Variants in GNG2 observed in about 807,000 individuals in gnomAD.
GNG2 encodes the protein G protein subunit gamma 2.
GNG2 carries 5 observed loss-of-function variants against 5.5 expected under a neutral mutation model. The observed-to-expected ratio is 0.91, with a 90% confidence interval of 0.48 to 1.92. The LOEUF is 1.92. GNG2 is among the 30% of genes most tolerant of loss of function. GNG2 has a pLI of 0.01. For missense variants in GNG2, 55 were observed against 88.4 expected (o/e 0.62, Z 1.52); for synonymous variants, 28 against 32.0 (o/e 0.88, Z 0.42).
chr14:51,829,836 C>T (rs1881133000), intron 2 of GNG2, among the ~76,000 whole-genome samples: 1 of 130,358 alleles, frequency 7.7e-6, no homozygotes, highest in Admixed American at 8.1e-5. Flanking sequence ...TGATCACTCC[C>T]TACTTCTTCT....
intron 2 of GNG2, among the ~76,000 whole-genome samples, chr14:51,842,854 AG>A (rs1264473296): frequency 1.3e-5 from 2 of 151,966 alleles, no homozygotes; most frequent in Non-Finnish European, 2.9e-5. Context: ...TAGTAGAGAT[AG>A]GGTTTTGCCG....
chr14:51,833,759 C>T (rs1881260336), intron 2 of GNG2, among the ~76,000 whole-genome samples: 1 of 152,234 alleles, frequency 6.6e-6, no homozygotes. Context: ...TATAGACTAT[C>T]ACTCACCTGT....
chr14:51,830,728 C>A (rs946520377), intron 2 of GNG2, among the ~76,000 whole-genome samples: 2 of 152,190 alleles, frequency 1.3e-5, no homozygotes, highest in Non-Finnish European at 2.9e-5. Context: ...ATGTTTTTGA[C>A]CTGAATTACT....
At chr14:51,891,621 C>A (rs1884858658) in intron 2 of GNG2, among the ~76,000 whole-genome samples, 1 of 152,186 alleles carries the variant, frequency 6.6e-6, no homozygotes, top group South Asian at 2.1e-4. Context: ...CACTTCCCTG[C>A]ATATGGTTTA....
chr14:51,969,195 A>G lies in GNG2; in HGVS notation c.*2508A>G, dbSNP rs1566724420. 1 of 152,340 alleles carries G rather than the reference A, an allele frequency of 6.6e-6. No homozygotes were observed. Among genetic ancestry groups the G allele is most frequent in the East Asian group, 1.9e-4 (1 of 5,190 alleles). 9.4% of individuals were successfully genotyped at this position (152,340 alleles called of 1,614,324 possible). On this transcript the variant is annotated 3_prime_UTR_variant, in exon 4 of 4. Transcript: ENST00000556766. ...AATTATTTAAGGCCCTAGTTTCTAC[A>G]TATAATATATTCGATAGAAATGAAA... is the stretch of plus-strand genomic sequence containing the variant.
chr14:51,878,677 C>G (rs1883839821), intron 2 of GNG2, among the ~76,000 whole-genome samples: 1 of 152,130 alleles, frequency 6.6e-6, no homozygotes, highest in Non-Finnish European at 1.5e-5. Flanking sequence ...TTCCTCAACT[C>G]ATATTTATAA....
chr14:51,863,664 C>G (rs781700971), intron 1 of GNG2, among the ~76,000 whole-genome samples: 1 of 152,066 alleles, frequency 6.6e-6, no homozygotes, highest in Non-Finnish European at 1.5e-5. Flanking sequence ...AAATTCTATA[C>G]CCATTAATCA....
At chr14:51,847,468 T>A (rs1176117997) in intron 2 of GNG2, 1 of 152,164 alleles carries the variant, frequency 6.6e-6, no homozygotes, top group African/African-American at 2.4e-5. Context: ...ACTACGGAAG[T>A]GGGCTGAAGG....
chr14:51,828,071 C>A (rs979684153), intron 2 of GNG2, among the ~76,000 whole-genome samples: 3 of 152,238 alleles, frequency 2.0e-5, no homozygotes, highest in African/African-American at 7.2e-5. Context: ...CTCGGTAGAA[C>A]TGACTAGCTT....
At chr14:51,881,180 A>G (rs935249575) in intron 2 of GNG2, among the ~76,000 whole-genome samples, 14 of 152,204 alleles carry the variant, frequency 9.2e-5, no homozygotes, top group East Asian at 7.7e-4. Flanking sequence ...CATGGAAGTT[A>G]TAAAATCCAA....
At chr14:51,870,256 A>G (rs956215553) in intron 1 of GNG2, among the ~76,000 whole-genome samples, 10 of 152,142 alleles carry the variant, frequency 6.6e-5, no homozygotes, top group African/African-American at 2.4e-4. Context: ...TTAAGAAAAA[A>G]AAAACAACTT....
At chr14:51,868,735 C>T (rs1883100976) in intron 1 of GNG2, among the ~76,000 whole-genome samples, 1 of 152,202 alleles carries the variant, frequency 6.6e-6, no homozygotes. Flanking sequence ...AATCTACAAA[C>T]TATGTCTTTT....
chr14:51,957,076 TG>T (rs1222313049), intron 3 of GNG2, among the ~76,000 whole-genome samples: 1 of 151,486 alleles, frequency 6.6e-6, no homozygotes, highest in East Asian at 1.9e-4. Flanking sequence ...GTGAGGATGC[TG>T]GATAGTAGGA....
upstream of GNG2, among the ~76,000 whole-genome samples, chr14:51,859,969 A>G (rs139078054): frequency 2.6e-5 from 4 of 152,328 alleles, no homozygotes; most frequent in East Asian, 5.8e-4. Flanking sequence ...CCCGTGCCCC[A>G]TAAGAATACT....
intron 2 of GNG2, among the ~76,000 whole-genome samples, chr14:51,882,973 G>C (rs1884191366): frequency 7.0e-6 from 1 of 143,672 alleles, no homozygotes; most frequent in Non-Finnish European, 1.5e-5. Context: ...TCGTGCCACT[G>C]CACTCCAGCC....
chr14:51,905,132 C>T (rs1777434791), intron 2 of GNG2, among the ~76,000 whole-genome samples: 1 of 152,188 alleles, frequency 6.6e-6, no homozygotes, highest in African/African-American at 2.4e-5. Flanking sequence ...TGGCTCGCTG[C>T]ATCCATGCTC....
chr14:51,901,752 G>T (rs71422044), intron 2 of GNG2, among the ~76,000 whole-genome samples: 1 of 149,318 alleles, frequency 6.7e-6, no homozygotes, highest in African/African-American at 2.5e-5. Flanking sequence ...GAGAATGGGG[G>T]TGCAGGGGCA....
intron 2 of GNG2, among the ~76,000 whole-genome samples, chr14:51,895,132 A>G (rs1422571042): frequency 2.0e-5 from 3 of 152,150 alleles, no homozygotes; most frequent in Non-Finnish European, 2.9e-5. Context: ...AGTATTACAT[A>G]CAATTAAGAA....
rs543337480 is a variant in GNG2, at chr14:51,951,066, G to A, written c.87+301G>A. 2.6e-5 allele frequency among the ~76,000 whole-genome samples: 4 copies of A among 152,140 alleles called. 1 individual carries two copies. The highest frequency in any genetic ancestry group is 9.6e-5 in the African/African-American group (4 of 41,494). ...ACACATAAAATATATCAGCGCACTA[G>A]TTCCCCTCCCTGTCCTCATGGAAAC... On this transcript the variant is annotated intron_variant, in intron 3 of 3. Transcript: ENST00000556766.
Sources: gnomAD v4.1 joint callset for allele counts (sites outside exome capture counted in the v4.1 genomes callset) on GRCh38, gnomAD v4.1.1 for gene constraint, MANE v1.5 for transcripts, NCBI Gene and HGNC (gene_info 2026-07-23, HGNC 2026-07-21) for gene names.